Variants in ALB observed in about 807,000 individuals in gnomAD.
The protein encoded by ALB is albumin, also known as serum albumin.
A neutral mutation model predicts 74.5 loss-of-function variants in ALB; 37 were observed. The observed-to-expected ratio is 0.50, with a 90% CI of 0.38 to 0.65. ALB has a LOEUF of 0.65. ALB is among the 30% of genes least tolerant of loss of function. ALB has a pLI of 0.00. For synonymous variants in ALB, 249 were observed against 251.6 expected (o/e 0.99, Z 0.10); for missense variants, 685 against 718.7 (o/e 0.95, Z 0.54).
At chr4:73,417,033 T>C (rs548449225) in intron 10 of ALB, among the ~76,000 whole-genome samples, 12 of 152,304 alleles carry the variant, frequency 7.9e-5, no homozygotes, top group African/African-American at 2.4e-4. Flanking sequence ...TTTCCTCGAG[T>C]AGATTAAAGT....
At chr4:73,411,957 G>A (rs374206716) in intron 6 of ALB, 39 bp from the exon 7 acceptor site, 129 of 1,612,176 alleles carry the variant, frequency 8.0e-5, no homozygotes, top group African/African-American at 4.5e-4. Context: ...ATAAAATATC[G>A]CATGATAATA....
intron 13 of ALB, 115 bp from the exon 14 acceptor site, chr4:73,420,139 G>A (rs202042819): frequency 2.2e-6 from 2 of 893,688 alleles, no homozygotes; most frequent in Non-Finnish European, 3.6e-6. Context: ...TGTAATTAAA[G>A]GATATGATGC....
At chr4:73,410,058 T>A (rs941995515) in intron 5 of ALB, among the ~76,000 whole-genome samples, 2 of 152,180 alleles carry the variant, frequency 1.3e-5, no homozygotes, top group African/African-American at 4.8e-5. Context: ...TCTCCCACTT[T>A]TAAGGCTCTT....
rs767644212 is a variant in ALB, at chr4:73,415,172, G to A, written c.1191+5G>A. On this transcript the variant is annotated splice_donor_5th_base_variant and intron_variant, in intron 9 of 14. Transcript: ENST00000295897. ...CATGAATGCTATGCCAAAGTGGTAG[G>A]TTTATTGTTGGAAAAAAATGTAGTT... 1.9e-6 allele frequency: 3 copies of A among 1,614,044 alleles called. No individual in the cohort carries two copies. Among genetic ancestry groups the A allele is most frequent in the South Asian group, 2.2e-5 (2 of 91,078 alleles).
At position 73,413,536 on chromosome 4, in the gene ALB, T is replaced by C; in HGVS notation, c.960T>C (p.Asp320=). The change falls in exon 8 of 15, where the codon GAT becomes GAC. Residue 320 remains aspartate, a synonymous_variant. Transcript: ENST00000295897. ...ACTGCATTGCCGAAGTGGAAAATGA[T>C]GAGATGCCTGCTGACTTGCCTTCAT... ...KSHCIAEVEN[D]EMPADLPSLA... The C allele has an allele frequency of 6.2e-7, 1 of 1,604,238 alleles. No individual in the cohort carries two copies.
chr4:73,408,547 G>GA, intron 3 of ALB, 47 bp from the exon 4 acceptor site: 1 of 1,536,452 alleles, frequency 6.5e-7, no homozygotes. Flanking sequence ...TGGCTATAAA[G>GA]AAAAAAGGTA....
chr4:73,413,280 C>T, intron 7 of ALB, 140 bp from the exon 8 acceptor site: 1 of 810,998 alleles, frequency 1.2e-6, no homozygotes, highest in Admixed American at 2.0e-5. Flanking sequence ...GGTTTAGGAG[C>T]AAACAGAGTA....
At chr4:73,407,195 T>C (rs1486931153) in intron 3 of ALB, among the ~76,000 whole-genome samples, 1 of 152,154 alleles carries the variant, frequency 6.6e-6, no homozygotes, top group African/African-American at 2.4e-5. Flanking sequence ...TAACTACGGG[T>C]ACACTGTTGT....
rs1405197755 is a variant in ALB at position 73,418,373 on chromosome 4, G to T, written c.1652+62G>T. Reference sequence around the variant, plus strand: ...TTGATAGCAAGAACTGTCAATTCAAGCTAGCAACTTTTTCCTGAAGTAGTG... The same window carrying T: ...TTGATAGCAAGAACTGTCAATTCAATCTAGCAACTTTTTCCTGAAGTAGTG... On this transcript the variant is annotated intron_variant, in intron 12 of 14. Transcript: ENST00000295897. 5 of 1,460,244 alleles carry T rather than the reference G, an allele frequency of 3.4e-6. No individual in the cohort carries two copies. The Admixed American group carries it at 8.9e-5, about 26-fold the overall frequency. 90.5% of individuals were successfully genotyped at this position (1,460,244 alleles called of 1,614,324 possible). A position where few individuals can be genotyped will look rare whatever the true frequency, so the allele number is the denominator to read the frequency against.
At chr4:73,411,807 A>T (rs1438719032) in intron 6 of ALB, among the ~76,000 whole-genome samples, 189 bp from the exon 7 acceptor site, 1 of 151,956 alleles carries the variant, frequency 6.6e-6, no homozygotes, top group Non-Finnish European at 1.5e-5. Context: ...TACCACACAC[A>T]CTCTTAAATG....
intron 6 of ALB, 103 bp from the exon 7 acceptor site, chr4:73,411,893 G>C: frequency 2.1e-6 from 3 of 1,428,944 alleles, no homozygotes; most frequent in Non-Finnish European, 2.9e-6. Context: ...AATTATTTCT[G>C]TATGTCCATT....
rs1187741836 is a variant in ALB, at chr4:73,408,659, T to A, written c.336T>A (p.Ala112=). The part of the protein sequence containing the change: ...ATLRETYGEM[A]DCCAKQEPER... ...TTCGTGAAACCTATGGTGAAATGGC[T>A]GACTGCTGTGCAAAACAAGAACCTG... The change falls in exon 4 of 15, where the codon GCT becomes GCA. Residue 112 remains alanine, a synonymous_variant. Transcript: ENST00000295897. 6.2e-7 allele frequency: 1 copy of A among 1,614,094 alleles called. No homozygotes were observed.
intron 11 of ALB, 52 bp from the exon 12 acceptor site, chr4:73,418,036 A>C: frequency 6.3e-7 from 1 of 1,578,366 alleles, no homozygotes; most frequent in Non-Finnish European, 8.7e-7. Flanking sequence ...TTTTAGTAGA[A>C]AATTTTCAGC....
Position 73,416,264 on chromosome 4 carries a change from A to C in ALB, c.1200A>C (p.Glu400Asp). The C allele has an allele frequency of 6.2e-7, 1 of 1,613,328 alleles. No homozygotes were observed. The highest frequency in any genetic ancestry group is 1.7e-4 in the Middle Eastern group (1 of 6,042). The change falls in exon 10 of 15, where the codon GAA (glutamate) becomes GAC (aspartate). Residue 400 changes from glutamate (E) to aspartate (D), a missense_variant. By Grantham distance (45) the Glu-to-Asp change is conservative. Transcript: ENST00000295897. The part of the protein sequence containing the change: ...PHECYAKVFD[E>D]FKPLVEEPQN... ...ATTCTTTTATGTTTCAGTTCGATGA[A>C]TTTAAACCTCTTGTGGAAGAGCCTC...
At position 73,413,631 on chromosome 4, in the gene ALB, G is replaced by A. The variant is rs1459896687; in HGVS notation, c.1055G>A (p.Gly352Asp). The change falls in exon 8 of 15, where the codon GGC becomes GAC. Residue 352 changes from glycine (G) to aspartate (D), a missense_variant. Physicochemically the swap from Gly to Asp is moderately conservative, Grantham distance 94. Coordinates refer to ENST00000295897, the MANE Select transcript of ALB (RefSeq NM_000477.7). ...GCTGAGGCAAAGGATGTCTTCCTGG[G>A]CATGTAAGTAGATAAGAAATTATTC... ...NYAEAKDVFL[G>D]MFLYEYARRH... 3.1e-6 allele frequency: 5 copies of A among 1,613,824 alleles called. No homozygotes were observed. The highest frequency in any genetic ancestry group is 4.2e-6 in the Non-Finnish European group (5 of 1,179,876).
chr4:73,414,309 T>C (rs1577939430), intron 8 of ALB, among the ~76,000 whole-genome samples: 3 of 152,204 alleles, frequency 2.0e-5, no homozygotes, highest in African/African-American at 7.2e-5. Flanking sequence ...TCTCTGCCCA[T>C]CTATTTATCA....
chr4:73,416,354 G>C lies in ALB; in HGVS notation c.1289+1G>C, dbSNP rs779988470. Reference sequence around the variant, plus strand: ...TTGGAGAGTACAAATTCCAGAATGCGTAAGTAATTTTTATTGACTGATTTT... The same window carrying C: ...TTGGAGAGTACAAATTCCAGAATGCCTAAGTAATTTTTATTGACTGATTTT... On this transcript the variant is annotated splice_donor_variant, in intron 10 of 14. Transcript: ENST00000295897. LOFTEE classifies it high-confidence loss of function. 1 of 1,608,870 alleles carries C rather than the reference G, an allele frequency of 6.2e-7. No individual in the cohort carries two copies. Among genetic ancestry groups the C allele is most frequent in the Non-Finnish European group, 8.5e-7 (1 of 1,176,598 alleles).
intron 4 of ALB, 27 bp downstream of exon 4, chr4:73,408,832 A>G: frequency 6.3e-7 from 1 of 1,594,854 alleles, no homozygotes; most frequent in Non-Finnish European, 8.6e-7. Flanking sequence ...TTATAGTTCA[A>G]AATTAAAAAG....
rs1718982098 is a variant in ALB, at chr4:73,415,152, A to G, written c.1176A>G (p.Glu392=). Residue 392 remains glutamate, a synonymous_variant, in exon 9 of 15, where the codon GAA becomes GAG. Coordinates refer to ENST00000295897, the MANE Select transcript of ALB (RefSeq NM_000477.7). ...EKCCAAADPH[E]CYAKVFDEFK... ...GCTGTGCCGCTGCAGATCCTCATGA[A>G]TGCTATGCCAAAGTGGTAGGTTTAT... is the stretch of plus-strand genomic sequence containing the variant. The G allele has an allele frequency of 6.2e-7, 1 of 1,614,166 alleles. No individual in the cohort carries two copies. The highest frequency in any genetic ancestry group is 8.5e-7 in the Non-Finnish European group (1 of 1,180,024).
Sources: gnomAD v4.1 joint callset for allele counts (sites outside exome capture counted in the v4.1 genomes callset) on GRCh38, gnomAD v4.1.1 for gene constraint, MANE v1.5 for transcripts, NCBI Gene and HGNC (gene_info 2026-07-23, HGNC 2026-07-21) for gene names.